The following PTPRT variants were observed in gnomAD, a reference collection of about 807,000 sequenced individuals.
PTPRT encodes the protein protein tyrosine phosphatase receptor type T.
PTPRT carries 56 observed loss-of-function variants against 176.8 expected under a neutral mutation model. The ratio of observed to expected loss-of-function variants is 0.32; its 90% CI spans 0.26 to 0.40. The LOEUF is 0.40. Among genes scored for constraint, PTPRT ranks in the 10% least tolerant of loss-of-function variants. The pLI is 1.00. For missense variants in PTPRT, 1,540 were observed against 1,908.2 expected (o/e 0.81, Z 3.60); for synonymous variants, 783 against 739.0 (o/e 1.06, Z -0.96).
intron 1 of PTPRT, among the ~76,000 whole-genome samples, chr20:42,915,274 G>A (rs1978663005): frequency 6.6e-6 from 1 of 152,194 alleles, no homozygotes; most frequent in African/African-American, 2.4e-5. Context: ...GCACGGCTTA[G>A]AGAACCCCAC....
At chr20:43,017,229 A>AT (rs914911291) in intron 1 of PTPRT, among the ~76,000 whole-genome samples, 7 of 152,118 alleles carry the variant, frequency 4.6e-5, no homozygotes, top group Non-Finnish European at 4.4e-5. Context: ...CATCCATTTA[A>AT]TTTTTTTAAA....
At chr20:42,516,167 G>A (rs2072063248) in intron 7 of PTPRT, among the ~76,000 whole-genome samples, 1 of 151,032 alleles carries the variant, frequency 6.6e-6, no homozygotes, top group South Asian at 2.1e-4. Context: ...TGACGAGTTA[G>A]TGGGTGCAGC....
intron 1 of PTPRT, among the ~76,000 whole-genome samples, chr20:43,091,508 T>C (rs867575865): frequency 3.9e-4 from 50 of 128,458 alleles, no homozygotes; most frequent in African/African-American, 6.9e-4. Flanking sequence ...TCTCTCTCTC[T>C]CCCCCCTCTC....
chr20:43,132,592 T>A (rs1198363400), intron 1 of PTPRT, among the ~76,000 whole-genome samples: 2 of 152,138 alleles, frequency 1.3e-5, no homozygotes, highest in South Asian at 2.1e-4. Flanking sequence ...TCTGGAAGAA[T>A]AAACACAGCA....
chr20:42,768,929 G>A (rs760928069), intron 5 of PTPRT, among the ~76,000 whole-genome samples: 4 of 152,120 alleles, frequency 2.6e-5, no homozygotes, highest in Non-Finnish European at 5.9e-5. Flanking sequence ...CCACAATAAC[G>A]ATCATAAAAT....
Position 42,126,030 on chromosome 20 carries a change from G to C in PTPRT, c.2847+2724C>G, listed in dbSNP as rs548608969. ...TACAAGGCGGTGTCTGGGAGTGGGG[G>C]GGGGGAGGGGAAGGAGAAAGAGTGC... On this transcript the variant is annotated intron_variant, in intron 19 of 30. Coordinates refer to ENST00000373187, the MANE Select transcript of PTPRT (RefSeq NM_007050.6). 6.0e-3 allele frequency among the ~76,000 whole-genome samples: 901 copies of C among 151,376 alleles called. 4 individuals are homozygous for C. Among genetic ancestry groups the C allele is most frequent in the Middle Eastern group, 0.017 (5 of 290 alleles).
At chr20:43,039,947 A>G (rs966909183) in intron 1 of PTPRT, among the ~76,000 whole-genome samples, 25 of 152,114 alleles carry the variant, frequency 1.6e-4, no homozygotes, top group African/African-American at 5.1e-4. Flanking sequence ...AGGCTGAGGC[A>G]GGAGAATTGT....
intron 2 of PTPRT, among the ~76,000 whole-genome samples, chr20:42,830,080 C>T (rs936044228): frequency 2.6e-5 from 4 of 152,156 alleles, no homozygotes; most frequent in African/African-American, 9.7e-5. Flanking sequence ...GGATAGACTC[C>T]TCCCCAACTC....
At chr20:42,290,169 T>C (rs545180524) in intron 12 of PTPRT, among the ~76,000 whole-genome samples, 6 of 152,172 alleles carry the variant, frequency 3.9e-5, no homozygotes, top group Admixed American at 2.6e-4. Flanking sequence ...TATAAGTCTC[T>C]GGGGAATGGA....
intron 1 of PTPRT, among the ~76,000 whole-genome samples, chr20:43,065,795 C>T (rs757181736): frequency 1.2e-4 from 18 of 152,292 alleles, no homozygotes; most frequent in South Asian, 2.1e-4. Flanking sequence ...CATAGATTCA[C>T]GCTGGTTGAA....
rs1600523715 is a variant in PTPRT, at chr20:42,107,004, C to T, written c.3255-83G>A. On this transcript the variant is annotated intron_variant, in intron 23 of 30. Coordinates refer to ENST00000373187, the MANE Select transcript of PTPRT (RefSeq NM_007050.6). Reference sequence around the variant, plus strand: ...AGGCCCCTAGCATTCAGCCCTATCCCCAAGGGTCCTGCTGGGAGGCTCTAG... The same window carrying T: ...AGGCCCCTAGCATTCAGCCCTATCCTCAAGGGTCCTGCTGGGAGGCTCTAG... The T allele has an allele frequency of 1.4e-5, 22 of 1,518,176 alleles. No individual in the cohort carries two copies. In the Admixed American group the frequency reaches 3.0e-4, roughly 20 times the overall value. The allele number at this position is 1,518,176 out of a possible 1,614,324, so 94.0% of individuals were successfully genotyped here. A position where few individuals can be genotyped will look rare whatever the true frequency, so the allele number is the denominator to read the frequency against.
chr20:42,887,602 C>A (rs963655057), intron 1 of PTPRT, among the ~76,000 whole-genome samples: 4 of 152,168 alleles, frequency 2.6e-5, no homozygotes, highest in Non-Finnish European at 5.9e-5. Context: ...CTGCAAAGAA[C>A]CAAATTCTTT....
intron 7 of PTPRT, 100 bp downstream of exon 7, chr20:42,677,766 G>A: frequency 7.3e-7 from 1 of 1,367,520 alleles, no homozygotes; most frequent in Non-Finnish European, 1.0e-6. Flanking sequence ...CACATTCAAA[G>A]AAAATTCGGA....
chr20:42,163,372 C>T (rs1425385735), intron 16 of PTPRT, among the ~76,000 whole-genome samples: 1 of 152,196 alleles, frequency 6.6e-6, no homozygotes, highest in Non-Finnish European at 1.5e-5. Context: ...AGGGCCTAGG[C>T]AAGTCGTTAG....
chr20:42,893,000 C>G (rs1012278690), intron 1 of PTPRT, among the ~76,000 whole-genome samples: 7 of 152,008 alleles, frequency 4.6e-5, no homozygotes, highest in Non-Finnish European at 1.0e-4. Flanking sequence ...CCAGGGGAGG[C>G]CTTGCAGGGG....
chr20:42,142,102 C>T (rs998654774), intron 17 of PTPRT, 100 bp from the exon 18 acceptor site: 22 of 947,138 alleles, frequency 2.3e-5, no homozygotes, highest in Non-Finnish European at 3.4e-5. Flanking sequence ...TGCGATGGGA[C>T]TCCTAGTGGA....
rs1027666575 is a variant in PTPRT, at chr20:43,017,087, T to C, written c.89-131155A>G. On this transcript the variant is annotated intron_variant, in intron 1 of 30. Coordinates refer to ENST00000373187, the MANE Select transcript of PTPRT (RefSeq NM_007050.6). ...TCAAAATTAATGCAAAAAAAATCCC[T>C]GTTGAACAAAGAATCAAAAATACAA... is the stretch of plus-strand genomic sequence containing the variant. Among the ~76,000 whole-genome samples the C allele has an allele frequency of 2.0e-5, 3 of 152,184 alleles. 1 individual carries two copies. The South Asian group carries it at 6.2e-4, about 32-fold the overall frequency.
chr20:42,479,688 C>A (rs2071351331), intron 7 of PTPRT, among the ~76,000 whole-genome samples: 1 of 152,162 alleles, frequency 6.6e-6, no homozygotes, highest in Non-Finnish European at 1.5e-5. Flanking sequence ...CTGAAATATT[C>A]CAAAATCTGA....
chr20:42,617,939 T>C lies in PTPRT; in HGVS notation c.1153+59927A>G, dbSNP rs1215208913. Among the ~76,000 whole-genome samples, 17 of 138,282 alleles carry C rather than the reference T, an allele frequency of 1.2e-4. 2 individuals carry two copies. The highest frequency in any genetic ancestry group is 7.6e-5 in the Non-Finnish European group (5 of 65,712). The allele number at this position is 138,282 out of a possible 152,430, so 90.7% of individuals were successfully genotyped here. A position where few individuals can be genotyped will look rare whatever the true frequency, so the allele number is the denominator to read the frequency against. On this transcript the variant is annotated intron_variant, in intron 7 of 30. Coordinates refer to ENST00000373187, the MANE Select transcript of PTPRT (RefSeq NM_007050.6). ...AAGGGTTTTTTGTATCTCTATTTCCTTCAGTTCTGCTCTGATTTTAGTTAT... is the reference window on the plus strand; with the variant it reads ...AAGGGTTTTTTGTATCTCTATTTCCCTCAGTTCTGCTCTGATTTTAGTTAT...
Sources: gnomAD v4.1 joint callset for allele counts (sites outside exome capture counted in the v4.1 genomes callset) on GRCh38, gnomAD v4.1.1 for gene constraint, MANE v1.5 for transcripts, NCBI Gene and HGNC (gene_info 2026-07-23, HGNC 2026-07-21) for gene names.